Variants in TMEM131 observed in about 807,000 individuals in gnomAD.
TMEM131 encodes the protein transmembrane protein 131.
TMEM131 carries 66 observed loss-of-function variants against 211.6 expected under a neutral mutation model. That is an observed-to-expected ratio of 0.31 (90% CI 0.26 to 0.38). The LOEUF (loss-of-function observed/expected upper bound fraction) is 0.38. Ranked by LOEUF, TMEM131 falls within the 10% of genes least tolerant of loss-of-function variation. TMEM131 has a pLI of 1.00. For missense variants in TMEM131, 2,036 were observed against 2,299.3 expected (o/e 0.89, Z 2.34); for synonymous variants, 844 against 841.3 (o/e 1.00, Z -0.06).
intron 22 of TMEM131, among the ~76,000 whole-genome samples, chr2:97,803,341 A>G (rs573446313): frequency 6.6e-6 from 1 of 152,340 alleles, no homozygotes; most frequent in East Asian, 1.9e-4. Context: ...CCTCAGATTC[A>G]ATGAAGACAT....
rs1177353702 is a variant in TMEM131, at chr2:97,873,139, A to C, written c.360-13712T>G. On this transcript the variant is annotated intron_variant, in intron 4 of 40. Transcript: ENST00000186436. ...GTAAACAAAGTCACAAGTCACGGGG[A>C]AGTTCGAACTGGGCAGAGCCCACTG... 2.0e-5 allele frequency among the ~76,000 whole-genome samples: 3 copies of C among 152,322 alleles called. No individual in the cohort carries two copies. The East Asian group carries it at 5.8e-4, about 29-fold the overall frequency.
intron 15 of TMEM131, 45 bp from the exon 16 acceptor site, chr2:97,812,794 T>C (rs1559375282): frequency 2.8e-6 from 3 of 1,052,978 alleles, no homozygotes; most frequent in Non-Finnish European, 4.2e-6. Context: ...GTCACATTGA[T>C]CTAACAATAT....
At chr2:97,917,035 C>G (rs1027303733) in intron 2 of TMEM131, among the ~76,000 whole-genome samples, 1 of 152,126 alleles carries the variant, frequency 6.6e-6, no homozygotes, top group Non-Finnish European at 1.5e-5. Context: ...CCTTACAAGT[C>G]AAAATCACAG....
intron 1 of TMEM131, among the ~76,000 whole-genome samples, chr2:97,970,069 A>G (rs984422401): frequency 9.8e-5 from 15 of 152,326 alleles, no homozygotes; most frequent in Middle Eastern, 3.4e-3. Flanking sequence ...GAAACGTGCT[A>G]TTGTGAGCCC....
At chr2:97,959,712 T>C (rs1373272128) in intron 1 of TMEM131, among the ~76,000 whole-genome samples, 1 of 152,184 alleles carries the variant, frequency 6.6e-6, no homozygotes, top group Non-Finnish European at 1.5e-5. Flanking sequence ...CAGCCAACCA[T>C]TTTAATACTG....
chr2:97,947,419 G>A (rs567316591), intron 1 of TMEM131, among the ~76,000 whole-genome samples: 61 of 152,064 alleles, frequency 4.0e-4, no homozygotes, highest in Non-Finnish European at 1.2e-4. Context: ...GTAGGAAAAT[G>A]CAAGGCCAAC....
chr2:97,948,190 T>G (rs1039759373), intron 1 of TMEM131, among the ~76,000 whole-genome samples: 8 of 151,920 alleles, frequency 5.3e-5, no homozygotes, highest in African/African-American at 1.2e-4. Context: ...AAAAGATGAA[T>G]TGAGAGGTGG....
intron 2 of TMEM131, among the ~76,000 whole-genome samples, chr2:97,914,161 ACTTT>A (rs1329074519): frequency 2.0e-5 from 3 of 152,046 alleles, no homozygotes; most frequent in Admixed American, 1.3e-4. Context: ...GTCTTTCCTG[ACTTT>A]CTAATTGTTT....
At chr2:97,778,121 A>G (rs920432044) in intron 31 of TMEM131, among the ~76,000 whole-genome samples, 1 of 152,258 alleles carries the variant, frequency 6.6e-6, no homozygotes, top group Non-Finnish European at 1.5e-5. Flanking sequence ...ATCTGTATAA[A>G]TAATCTATAT....
chr2:97,782,664 G>A (rs918655641), intron 31 of TMEM131, among the ~76,000 whole-genome samples: 1 of 152,106 alleles, frequency 6.6e-6, no homozygotes, highest in Non-Finnish European at 1.5e-5. Context: ...AGAACAAAAT[G>A]GAAATGTCAG....
At chr2:97,851,140 C>G (rs1359065936) in intron 5 of TMEM131, among the ~76,000 whole-genome samples, 1 of 151,868 alleles carries the variant, frequency 6.6e-6, no homozygotes, top group Admixed American at 6.6e-5. Context: ...TCATCCAGAT[C>G]CATGGCTTCA....
At chr2:97,875,358 C>T (rs1251715374) in intron 4 of TMEM131, among the ~76,000 whole-genome samples, 1 of 152,122 alleles carries the variant, frequency 6.6e-6, no homozygotes, top group African/African-American at 2.4e-5. Context: ...CAGCTCTGGA[C>T]CAAGCAAACC....
In TMEM131 at chr2:97,859,297, A is replaced by C; in HGVS notation, c.483+7T>G. ...CAGGAAAGATCATGTATAGCAGAGA[A>C]ACTTACCCTATTTTGAAAAAATGAT... On this transcript the variant is annotated splice_region_variant and intron_variant, in intron 5 of 40. Transcript: ENST00000186436. 6.3e-7 allele frequency: 1 copy of C among 1,590,334 alleles called. No homozygotes were observed. Among genetic ancestry groups the C allele is most frequent in the Non-Finnish European group, 8.5e-7 (1 of 1,173,558 alleles).
intron 3 of TMEM131, among the ~76,000 whole-genome samples, chr2:97,906,281 T>A (rs1676065927): frequency 6.6e-6 from 1 of 152,192 alleles, no homozygotes; most frequent in Admixed American, 6.5e-5. Flanking sequence ...CACTAAGACA[T>A]GTTTTAGGGC....
intron 18 of TMEM131, among the ~76,000 whole-genome samples, chr2:97,810,227 GCACTGAACA>G (rs1681491463): frequency 6.6e-6 from 1 of 151,836 alleles, no homozygotes; most frequent in Non-Finnish European, 1.5e-5. Flanking sequence ...TTTTAAAAAT[GCACTGAACA>G]TTCTAGAGTT....
intron 2 of TMEM131, among the ~76,000 whole-genome samples, chr2:97,911,255 C>T (rs1028535678): frequency 6.6e-6 from 1 of 152,136 alleles, no homozygotes; most frequent in Admixed American, 6.5e-5. Context: ...AACTTCCTGA[C>T]AGTGACAGAA....
At chr2:97,942,409 G>A (rs1296076568) in intron 1 of TMEM131, among the ~76,000 whole-genome samples, 1 of 151,168 alleles carries the variant, frequency 6.6e-6, no homozygotes, top group East Asian at 1.9e-4. Flanking sequence ...ACACCAACAT[G>A]GCACATGTAT....
chr2:97,801,183 G>C (rs537070276), intron 25 of TMEM131, among the ~76,000 whole-genome samples: 1 of 152,204 alleles, frequency 6.6e-6, no homozygotes, highest in Non-Finnish European at 1.5e-5. Context: ...GTAAGGGCAA[G>C]GCTTCTGGAA....
chr2:97,795,661 A>G (rs1242129335), intron 28 of TMEM131, among the ~76,000 whole-genome samples: 1 of 152,228 alleles, frequency 6.6e-6, no homozygotes, highest in Non-Finnish European at 1.5e-5. Flanking sequence ...TTAAGTAAAT[A>G]TTCATTAAAG....
Sources: gnomAD v4.1 joint callset for allele counts (sites outside exome capture counted in the v4.1 genomes callset) on GRCh38, gnomAD v4.1.1 for gene constraint, MANE v1.5 for transcripts, NCBI Gene and HGNC (gene_info 2026-07-23, HGNC 2026-07-21) for gene names.